The following CFAP54 variants were observed in gnomAD, a reference collection of about 807,000 sequenced individuals.
The protein encoded by CFAP54 is cilia and flagella associated protein 54, also known as cilia- and flagella-associated protein 54.
A neutral mutation model predicts 370.4 loss-of-function variants in CFAP54; 290 were observed. The observed-to-expected ratio is 0.78, with a 90% CI of 0.71 to 0.86. The LOEUF is 0.86. Among genes scored for constraint, CFAP54 ranks in the 40% least tolerant of loss-of-function variants. The probability of loss-of-function intolerance (pLI) is 0.00; values close to 1 mark genes in which losing one functional copy is unlikely to be tolerated. For synonymous variants in CFAP54, 1,206 were observed against 1,236.5 expected, an observed-to-expected ratio of 0.98 and a Z score of 0.52; for missense variants, 3,399 against 3,528.7, an observed-to-expected ratio of 0.96 and a Z score of 0.93.
intron 16 of CFAP54, 34 bp from the exon 17 acceptor site, chr12:96,554,642 T>C: frequency 2.0e-6 from 3 of 1,500,112 alleles, no homozygotes; most frequent in South Asian, 1.3e-5. Flanking sequence ...TTGATAACTA[T>C]ATTTCTTTTT....
chr12:96,858,573 T>C (rs781156457), intron 66 of CFAP54, among the ~76,000 whole-genome samples: 5 of 152,368 alleles, frequency 3.3e-5, no homozygotes, highest in Admixed American at 2.6e-4. Flanking sequence ...CTCATTCCCA[T>C]GTCCAGCTTT....
At chr12:96,686,089 G>T (rs752101946) in intron 42 of CFAP54, among the ~76,000 whole-genome samples, 2 of 152,184 alleles carry the variant, frequency 1.3e-5, no homozygotes, top group Non-Finnish European at 2.9e-5. Context: ...CACAGACTGG[G>T]TGGCTTAAAC....
chr12:96,655,413 T>C (rs775593935), intron 36 of CFAP54, among the ~76,000 whole-genome samples: 2 of 152,058 alleles, frequency 1.3e-5, no homozygotes, highest in Non-Finnish European at 2.9e-5. Context: ...AGTATCCAGG[T>C]AATAAATGAA....
At chr12:96,812,916 C>T (rs529818584) in intron 64 of CFAP54, among the ~76,000 whole-genome samples, 180 of 152,164 alleles carry the variant, frequency 1.2e-3, no homozygotes, top group African/African-American at 4.0e-3. Flanking sequence ...CTTCCCTCCA[C>T]TCCTCTCCTC....
intron 50 of CFAP54, among the ~76,000 whole-genome samples, chr12:96,728,950 C>T (rs1957880074): frequency 6.6e-6 from 1 of 152,160 alleles, no homozygotes; most frequent in Admixed American, 6.5e-5. Context: ...CACTCCAGAC[C>T]CTGTTTGCCT....
At chr12:96,631,852 C>T (rs971348104) in intron 32 of CFAP54, among the ~76,000 whole-genome samples, 1 of 151,468 alleles carries the variant, frequency 6.6e-6, no homozygotes, top group African/African-American at 2.4e-5. Context: ...TTGTATATGT[C>T]TCCTTATGTA....
intron 50 of CFAP54, among the ~76,000 whole-genome samples, chr12:96,734,311 T>G (rs914051560): frequency 6.6e-6 from 1 of 152,188 alleles, no homozygotes; most frequent in Non-Finnish European, 1.5e-5. Context: ...TATGTGCCTC[T>G]GCTTGCCAAG....
Position 96,528,995 on chromosome 12 carries a change from AT to A in CFAP54, c.1357+1555del, listed in dbSNP as rs1190148470. ...TCTTTATTACTATTGGAGTAAGAAT[AT>A]TTTCTAATACGCAGTGTGATTTATT... On this transcript the variant is annotated intron_variant, in intron 9 of 67. Coordinates refer to ENST00000524981, the MANE Select transcript of CFAP54 (RefSeq NM_001306084.2). 2.0e-5 allele frequency among the ~76,000 whole-genome samples: 3 copies of A among 152,098 alleles called. No individual in the cohort carries two copies. The East Asian group carries it at 5.8e-4, about 29-fold the overall frequency.
chr12:96,690,216 T>C (rs1473580171), intron 43 of CFAP54, among the ~76,000 whole-genome samples: 1 of 152,230 alleles, frequency 6.6e-6, no homozygotes, highest in Admixed American at 6.5e-5. Flanking sequence ...GGGATTTATT[T>C]TAAAAGCCTA....
intron 50 of CFAP54, among the ~76,000 whole-genome samples, chr12:96,731,279 T>G (rs1434867322): frequency 2.0e-5 from 3 of 152,222 alleles, no homozygotes; most frequent in Admixed American, 1.3e-4. Flanking sequence ...TCCCTATCCT[T>G]GGATATATAT....
At chr12:96,659,392 C>T (rs915922501) in intron 38 of CFAP54, among the ~76,000 whole-genome samples, 4 of 152,088 alleles carry the variant, frequency 2.6e-5, no homozygotes, top group African/African-American at 9.7e-5. Context: ...CCTCAGCCTC[C>T]CAAAGTGCTG....
chr12:96,505,125 A>G (rs944704724), intron 3 of CFAP54, among the ~76,000 whole-genome samples: 37 of 138,166 alleles, frequency 2.7e-4, no homozygotes, highest in South Asian at 6.7e-4. Context: ...GTGCAGTGGC[A>G]TGATCTCAGT....
intron 50 of CFAP54, among the ~76,000 whole-genome samples, chr12:96,730,580 GAA>G (rs1957909527): frequency 1.3e-5 from 2 of 152,090 alleles, no homozygotes; most frequent in African/African-American, 4.8e-5. Context: ...AAAGAGAAAA[GAA>G]ATGATCAAGT....
intron 40 of CFAP54, chr12:96,682,328 A>T (rs1044683667): frequency 6.0e-5 from 59 of 985,276 alleles, no homozygotes; most frequent in Non-Finnish European, 6.6e-5. Context: ...TCTTATCACC[A>T]AACTATTGGT....
At chr12:96,868,997 A>G (rs1649976216) in intron 67 of CFAP54, among the ~76,000 whole-genome samples, 1 of 152,206 alleles carries the variant, frequency 6.6e-6, no homozygotes, top group South Asian at 2.1e-4. Context: ...CCATTAAAAA[A>G]CTGTCTTCAA....
chr12:96,690,370 G>A (rs1307783753), intron 43 of CFAP54, among the ~76,000 whole-genome samples: 1 of 152,146 alleles, frequency 6.6e-6, no homozygotes, highest in Non-Finnish European at 1.5e-5. Context: ...ATAATTTCAT[G>A]ATGCATTTGT....
chr12:96,843,286 A>G lies in CFAP54; in HGVS notation c.9171+14198A>G, dbSNP rs1193933847. Among the ~76,000 whole-genome samples, 8 of 152,208 alleles carry G rather than the reference A, an allele frequency of 5.3e-5. 1 individual carries two copies. Among genetic ancestry groups the G allele is most frequent in the Admixed American group, 5.2e-4 (8 of 15,278 alleles). On this transcript the variant is annotated intron_variant, in intron 66 of 67. Coordinates refer to ENST00000524981, the MANE Select transcript of CFAP54 (RefSeq NM_001306084.2). ...TTAGGAGTCTGGCTTTTTCATTTCTATATCGCAGGTCAAAAACCCACAGGC... is the reference window on the plus strand; with the variant it reads ...TTAGGAGTCTGGCTTTTTCATTTCTGTATCGCAGGTCAAAAACCCACAGGC...
intron 39 of CFAP54, among the ~76,000 whole-genome samples, chr12:96,668,578 A>T (rs1957106867): frequency 6.6e-6 from 1 of 152,294 alleles, no homozygotes; most frequent in Non-Finnish European, 1.5e-5. Context: ...ATTACCTTCC[A>T]CTGGGTTCTT....
At chr12:96,854,809 C>T (rs776709491) in intron 66 of CFAP54, among the ~76,000 whole-genome samples, 8 of 151,654 alleles carry the variant, frequency 5.3e-5, no homozygotes, top group African/African-American at 1.9e-4. Flanking sequence ...TTTTTTTTAA[C>T]TTTTATTTTA....
Sources: gnomAD v4.1 joint callset for allele counts (sites outside exome capture counted in the v4.1 genomes callset) on GRCh38, gnomAD v4.1.1 for gene constraint, MANE v1.5 for transcripts, NCBI Gene and HGNC (gene_info 2026-07-23, HGNC 2026-07-21) for gene names.